The following NETO1 variants were observed in gnomAD, a reference collection of about 807,000 sequenced individuals.
NETO1 encodes the protein neuropilin and tolloid-like protein 1.
Under a neutral mutation model 61.3 loss-of-function variants are expected in NETO1, and 26 were observed. The observed-to-expected ratio is 0.42, with a 90% CI of 0.31 to 0.59. The LOEUF (loss-of-function observed/expected upper bound fraction) is 0.59, where lower values mean the gene tolerates loss of function less well. Ranked by LOEUF, NETO1 falls within the 20% of genes least tolerant of loss-of-function variation. The pLI, the probability that NETO1 is intolerant of heterozygous loss-of-function variation, is 0.12. For synonymous variants in NETO1, 225 were observed against 225.8 expected (o/e 1.00, Z 0.03); for missense variants, 531 against 662.8 (o/e 0.80, Z 2.18).
chr18:72,760,792 G>A (rs1443147247), intron 7 of NETO1, among the ~76,000 whole-genome samples: 1 of 152,186 alleles, frequency 6.6e-6, no homozygotes, highest in African/African-American at 2.4e-5. Flanking sequence ...GTACTGTGCA[G>A]AGACTGTGGA....
At chr18:72,860,474 C>T (rs560690974) in intron 3 of NETO1, among the ~76,000 whole-genome samples, 1 of 152,138 alleles carries the variant, frequency 6.6e-6, no homozygotes, top group African/African-American at 2.4e-5. Flanking sequence ...AATTGGAGAC[C>T]TACAGAATAA....
intron 3 of NETO1, among the ~76,000 whole-genome samples, chr18:72,863,319 G>T (rs2074636995): frequency 6.6e-6 from 1 of 152,116 alleles, no homozygotes; most frequent in African/African-American, 2.4e-5. Flanking sequence ...GCCTTCCCTG[G>T]ACATTCTTCA....
Position 72,745,670 on chromosome 18 carries a change from A to G in NETO1, c.*2509T>C, listed in dbSNP as rs939849444. 1 of 152,174 alleles carries G rather than the reference A, an allele frequency of 6.6e-6. No individual in the cohort carries two copies. Among genetic ancestry groups the G allele is most frequent in the Non-Finnish European group, 1.5e-5 (1 of 68,032 alleles). The allele number at this position is 152,174 out of a possible 1,614,324, so 9.4% of individuals were successfully genotyped here. A position where few individuals can be genotyped will look rare whatever the true frequency, so the allele number is the denominator to read the frequency against. ...TGATAAGGTCTGATATAGCTACTAA[A>G]TCGTTTTTGATATATTGACAAATTT... On this transcript the variant is annotated 3_prime_UTR_variant, in exon 11 of 11. Coordinates refer to ENST00000327305, the MANE Select transcript of NETO1 (RefSeq NM_138966.5).
At chr18:72,788,074 T>C (rs74393478) in intron 6 of NETO1, among the ~76,000 whole-genome samples, 1,651 of 152,308 alleles carry the variant, frequency 0.011, 32 homozygotes, top group African/African-American at 0.038. Context: ...AAAGTCAATT[T>C]GCATATTGGC....
intron 4 of NETO1, among the ~76,000 whole-genome samples, chr18:72,821,885 G>A (rs1020006924): frequency 2.0e-5 from 3 of 152,078 alleles, no homozygotes; most frequent in Admixed American, 6.5e-5. Flanking sequence ...GTAAAGCCTG[G>A]GGCCTTCATG....
intron 10 of NETO1, chr18:72,748,432 A>C (rs2145065490): frequency 3.3e-6 from 1 of 298,980 alleles, no homozygotes; most frequent in Non-Finnish European, 4.9e-6. Flanking sequence ...AACTGGGATT[A>C]ATGAAACCTT....
chr18:72,760,711 C>G (rs1464488209), intron 7 of NETO1, among the ~76,000 whole-genome samples: 1 of 152,098 alleles, frequency 6.6e-6, no homozygotes, highest in East Asian at 1.9e-4. Context: ...TAATAATGCA[C>G]AGAATGCCGT....
chr18:72,808,419 T>TTGTGTGTGTGTG (rs368047239), intron 4 of NETO1, among the ~76,000 whole-genome samples: 5,916 of 141,784 alleles, frequency 0.042, 194 homozygotes, highest in African/African-American at 0.08. Context: ...CACTGCAGAT[T>TTGTGTGTGTGTG]TGTGTGTGTG....
chr18:72,862,323 C>T (rs555549689), intron 3 of NETO1, among the ~76,000 whole-genome samples: 1 of 152,140 alleles, frequency 6.6e-6, no homozygotes, highest in Non-Finnish European at 1.5e-5. Context: ...TAATTTTATT[C>T]ATACTAACAA....
chr18:72,774,327 G>C (rs902518058), intron 7 of NETO1, among the ~76,000 whole-genome samples: 13 of 152,114 alleles, frequency 8.5e-5, no homozygotes, highest in African/African-American at 3.1e-4. Flanking sequence ...TATTTGAATG[G>C]GCATATTCCA....
chr18:72,866,609 G>T, intron 1 of NETO1: 2 of 673,506 alleles, frequency 3.0e-6, no homozygotes, highest in Non-Finnish European at 3.7e-6. Context: ...CGTGGCCCGC[G>T]ATCAACACTC....
intron 6 of NETO1, among the ~76,000 whole-genome samples, chr18:72,784,211 C>T (rs1217543842): frequency 7.6e-6 from 1 of 132,030 alleles, no homozygotes; most frequent in African/African-American, 2.9e-5. Flanking sequence ...CATACTTACA[C>T]ACTGTTTTAC....
At chr18:72,795,516 CAT>C (rs1484850969) in intron 4 of NETO1, among the ~76,000 whole-genome samples, 1 of 152,100 alleles carries the variant, frequency 6.6e-6, no homozygotes, top group Non-Finnish European at 1.5e-5. Flanking sequence ...ATTACAAGTA[CAT>C]AGTCATTGGA....
At chr18:72,863,042 T>C (rs555086119) in intron 3 of NETO1, among the ~76,000 whole-genome samples, 1 of 152,330 alleles carries the variant, frequency 6.6e-6, no homozygotes, top group Admixed American at 6.5e-5. Flanking sequence ...TTATGTTCTT[T>C]TCCTTCAGTT....
rs75031753 is a variant in NETO1, at chr18:72,790,831, G to A, written c.639+3286C>T. On this transcript the variant is annotated intron_variant, in intron 6 of 10. Coordinates refer to ENST00000327305, the MANE Select transcript of NETO1 (RefSeq NM_138966.5). ...AATAATCCGTTTATTTATTCCATGA[G>A]TTTTACTTGAGTCACAGACATTGTG... 1.7e-3 allele frequency among the ~76,000 whole-genome samples: 265 copies of A among 152,102 alleles called. 1 individual carries two copies. The highest frequency in any genetic ancestry group is 6.3e-3 in the African/African-American group (262 of 41,504).
At chr18:72,852,360 A>AC (rs2074276520) in intron 4 of NETO1, among the ~76,000 whole-genome samples, 1 of 152,004 alleles carries the variant, frequency 6.6e-6, no homozygotes. Context: ...GACTACAGGC[A>AC]CATGCCACCA....
At chr18:72,805,687 T>C (rs951130473) in intron 4 of NETO1, among the ~76,000 whole-genome samples, 3 of 152,148 alleles carry the variant, frequency 2.0e-5, no homozygotes, top group African/African-American at 7.2e-5. Context: ...TATTGTCACA[T>C]TCTATTTGAA....
At chr18:72,772,821 CTCTCTATATATATATATATATATATA>C (rs1252070992) in intron 7 of NETO1, among the ~76,000 whole-genome samples, 7,284 of 50,688 alleles carry the variant, frequency 0.14, 519 homozygotes, top group Admixed American at 0.26. Context: ...CTCTCTCTCT[CTCTCTATATATATATATATATATATA>C]TATATATATA....
At position 72,862,850 on chromosome 18, in the gene NETO1, G is replaced by C. The variant is rs148439930; in HGVS notation, c.220+1958C>G. ...TTGGCCAGGATGGTCTCGATCTCCTGACCTCGTGATCCGCCCACATCGGCC... is the reference window on the plus strand; with the variant it reads ...TTGGCCAGGATGGTCTCGATCTCCTCACCTCGTGATCCGCCCACATCGGCC... On this transcript the variant is annotated intron_variant, in intron 3 of 10. Transcript: ENST00000327305. Among the ~76,000 whole-genome samples, 430 of 152,060 alleles carry C rather than the reference G, an allele frequency of 2.8e-3. 1 individual carries two copies. Among genetic ancestry groups the C allele is most frequent in the African/African-American group, 9.7e-3 (402 of 41,480 alleles).
Sources: gnomAD v4.1 joint callset for allele counts (sites outside exome capture counted in the v4.1 genomes callset) on GRCh38, gnomAD v4.1.1 for gene constraint, MANE v1.5 for transcripts, NCBI Gene and HGNC (gene_info 2026-07-23, HGNC 2026-07-21) for gene names.